The following SNTG1 variants were observed in gnomAD, a reference collection of about 807,000 sequenced individuals.
SNTG1 encodes syntrophin gamma 1, also known as gamma-1-syntrophin.
In SNTG1, 39 loss-of-function variants were observed where a neutral mutation model predicts 74.7. The ratio of observed to expected loss-of-function variants is 0.52; its 90% confidence interval spans 0.40 to 0.68. The LOEUF (loss-of-function observed/expected upper bound fraction) is 0.68. Ranked by LOEUF, SNTG1 falls within the 30% of genes least tolerant of loss-of-function variation. The pLI, the probability that SNTG1 is intolerant of heterozygous loss-of-function variation, is 0.00. For missense variants in SNTG1, 685 were observed against 609.5 expected (o/e 1.12, Z -1.30); for synonymous variants, 254 against 217.1 (o/e 1.17, Z -1.49).
At chr8:49,938,603 T>TTTTTTTTCTTTTCTTTCTTTTTTTCTTTC (rs1554524905) in intron 1 of SNTG1, among the ~76,000 whole-genome samples, 1 of 74,754 alleles carries the variant, frequency 1.3e-5, no homozygotes, top group Non-Finnish European at 2.7e-5. Context: ...TTTTCTTTTC[T>TTTTTTTTCTTTTCTTTCTTTTTTTCTTTC]TTTCTTTCTT....
At chr8:50,173,304 G>T (rs2131663986) in intron 2 of SNTG1, among the ~76,000 whole-genome samples, 1 of 152,152 alleles carries the variant, frequency 6.6e-6, no homozygotes, top group East Asian at 1.9e-4. Context: ...GGTGAACGTG[G>T]CTAGAAAAGG....
At chr8:50,598,213 A>C (rs1311069857) in intron 13 of SNTG1, among the ~76,000 whole-genome samples, 1 of 151,824 alleles carries the variant, frequency 6.6e-6, no homozygotes, top group Non-Finnish European at 1.5e-5. Flanking sequence ...GTCTTACTTA[A>C]AGTTCAAGTC....
chr8:50,172,238 G>T (rs573822364), intron 1 of SNTG1, among the ~76,000 whole-genome samples: 19 of 152,254 alleles, frequency 1.2e-4, no homozygotes, highest in African/African-American at 4.6e-4. Context: ...TCTAAATTTA[G>T]ATCCAAGTGC....
intron 2 of SNTG1, among the ~76,000 whole-genome samples, chr8:50,339,759 C>T (rs934815257): frequency 4.6e-5 from 7 of 151,750 alleles, no homozygotes; most frequent in South Asian, 2.1e-4. Flanking sequence ...GGGCAACAAA[C>T]GAAAAGCAAG....
intron 1 of SNTG1, among the ~76,000 whole-genome samples, chr8:49,965,844 T>C (rs1463572047): frequency 6.6e-6 from 1 of 152,206 alleles, no homozygotes; most frequent in Non-Finnish European, 1.5e-5. Flanking sequence ...TAATTCAGTG[T>C]TTTTCTAACT....
intron 2 of SNTG1, among the ~76,000 whole-genome samples, chr8:50,388,589 A>G (rs1439058722): frequency 6.6e-6 from 1 of 152,184 alleles, no homozygotes; most frequent in South Asian, 2.1e-4. Context: ...CACTGTGTAT[A>G]TGACTAACAT....
At chr8:50,719,916 C>T (rs1056976697) in intron 17 of SNTG1, among the ~76,000 whole-genome samples, 1 of 152,028 alleles carries the variant, frequency 6.6e-6, no homozygotes, top group Non-Finnish European at 1.5e-5. Context: ...CCTGTATACT[C>T]CTCTGAATTT....
intron 9 of SNTG1, among the ~76,000 whole-genome samples, chr8:50,507,283 G>A (rs1449191093): frequency 6.6e-6 from 1 of 151,904 alleles, no homozygotes; most frequent in Non-Finnish European, 1.5e-5. Flanking sequence ...ATATTGGTTT[G>A]TAGTTTTATT....
intron 2 of SNTG1, among the ~76,000 whole-genome samples, chr8:50,329,660 T>A (rs556172987): frequency 1.3e-5 from 2 of 152,180 alleles, no homozygotes; most frequent in African/African-American, 4.8e-5. Flanking sequence ...AAATCATTTT[T>A]CCTCCTAGAC....
At chr8:50,204,053 T>G (rs2084099486) in intron 2 of SNTG1, among the ~76,000 whole-genome samples, 2 of 152,140 alleles carry the variant, frequency 1.3e-5, no homozygotes, top group African/African-American at 4.8e-5. Flanking sequence ...TAGATACATT[T>G]TGTATACAGA....
At chr8:50,025,620 G>A (rs1043509514) in intron 1 of SNTG1, among the ~76,000 whole-genome samples, 1 of 152,062 alleles carries the variant, frequency 6.6e-6, no homozygotes, top group African/African-American at 2.4e-5. Context: ...AACCTATGTC[G>A]GTATTTTTAA....
intron 1 of SNTG1, among the ~76,000 whole-genome samples, chr8:49,935,566 CAGGTGACTCTATCCA>C (rs1319705021): frequency 1.3e-5 from 2 of 151,448 alleles, no homozygotes; most frequent in Admixed American, 1.3e-4. Context: ...TCATGCAGCC[CAGGTGACTCTATCCA>C]AATGCACACC....
chr8:50,420,692 T>A (rs1433906118), intron 4 of SNTG1, among the ~76,000 whole-genome samples: 1 of 152,134 alleles, frequency 6.6e-6, no homozygotes, highest in Non-Finnish European at 1.5e-5. Context: ...CCTAATGTGC[T>A]TCTCAATGTA....
At chr8:50,372,354 C>T (rs1331347773) in intron 2 of SNTG1, among the ~76,000 whole-genome samples, 1 of 151,698 alleles carries the variant, frequency 6.6e-6, no homozygotes, top group Admixed American at 6.6e-5. Context: ...TTGATAACAA[C>T]TTAACTTCAA....
chr8:49,971,651 G>A (rs896496338), intron 1 of SNTG1, among the ~76,000 whole-genome samples: 1 of 152,080 alleles, frequency 6.6e-6, no homozygotes, highest in South Asian at 2.1e-4. Context: ...TAAGCTGACA[G>A]GCAACTTCAG....
chr8:50,480,152 C>T (rs1269300247), intron 8 of SNTG1, among the ~76,000 whole-genome samples: 1 of 151,984 alleles, frequency 6.6e-6, no homozygotes, highest in African/African-American at 2.4e-5. Flanking sequence ...AAGGGTTTTG[C>T]TGTAACAATC....
chr8:50,093,871 A>G (rs1403790393), intron 1 of SNTG1, among the ~76,000 whole-genome samples: 2 of 152,194 alleles, frequency 1.3e-5, no homozygotes, highest in East Asian at 3.9e-4. Flanking sequence ...AGGTTTCAGA[A>G]GAAAGATGTG....
At chr8:50,618,190 A>G (rs2131026010) in intron 13 of SNTG1, among the ~76,000 whole-genome samples, 1 of 152,358 alleles carries the variant, frequency 6.6e-6, no homozygotes, top group South Asian at 2.1e-4. Flanking sequence ...CAAAAGAGAA[A>G]CAACCAGTAC....
At chr8:50,338,918 C>T (rs542699977) in intron 2 of SNTG1, among the ~76,000 whole-genome samples, 2 of 152,126 alleles carry the variant, frequency 1.3e-5, no homozygotes, top group African/African-American at 4.8e-5. Context: ...AGGTACCAAA[C>T]TTCAGATACT....
Sources: allele counts gnomAD v4.1 joint callset (sites outside exome capture counted in the v4.1 genomes callset), GRCh38; gene constraint gnomAD v4.1.1; transcripts MANE v1.5; gene names NCBI Gene and HGNC (gene_info 2026-07-23, HGNC 2026-07-21).